NINJ2: variants seen among roughly 807,000 people sequenced by gnomAD.
The protein encoded by NINJ2 is ninjurin 2.
In NINJ2, 12 loss-of-function variants were observed where a neutral mutation model predicts 11.7. That is an observed-to-expected ratio of 1.02 (90% confidence interval 0.66 to 1.66). The LOEUF (loss-of-function observed/expected upper bound fraction) is 1.66, where lower values mean the gene tolerates loss of function less well. Ranked by LOEUF, NINJ2 falls within the 40% of genes most tolerant of loss-of-function variation. The pLI is 0.00. For missense variants in NINJ2, 187 were observed against 181.8 expected (o/e 1.03, Z -0.16); for synonymous variants, 93 against 76.8 (o/e 1.21, Z -1.10).
rs780181655 is a variant in NINJ2, at chr12:565,253, G to A, written c.411C>T (p.Ala137=). The A allele has an allele frequency of 1.9e-6, 3 of 1,613,952 alleles. No individual in the cohort carries two copies. The highest frequency in any genetic ancestry group is 2.5e-6 in the Non-Finnish European group (3 of 1,179,890). ...AHKTGFLAAR[A]SRNPL The stretch of plus-strand genomic sequence containing the variant: ...GCTGCATTCAGAGAGGATTCCTTGA[G>A]GCCCTGGCAGCCAGGAACCCTGTTT... The change falls in exon 3 of 4, where the codon GCC becomes GCT. Residue 137 remains alanine, a synonymous_variant. Transcript: ENST00000305108.
chr12:566,205 C>G (rs1947299952), intron 1 of NINJ2, 27 bp from the exon 2 acceptor site: 1 of 1,582,548 alleles, frequency 6.3e-7, no homozygotes, highest in Admixed American at 1.7e-5. Context: ...ACAGACTTAC[C>G]AAGGGGAGCT....
rs190747705 is a variant in NINJ2 at position 633,644 on chromosome 12, C to T, written c.33+29684G>A. Among the ~76,000 whole-genome samples the T allele has an allele frequency of 2.7e-4, 41 of 152,258 alleles. No individual in the cohort carries two copies. Among genetic ancestry groups the T allele is most frequent in the Non-Finnish European group, 5.6e-4 (38 of 68,016 alleles). On this transcript the variant is annotated intron_variant, in intron 1 of 3. Coordinates refer to ENST00000305108, the MANE Select transcript of NINJ2 (RefSeq NM_016533.6). The surrounding 1 kb of genome is among the most constrained non-coding windows in gnomAD (Gnocchi z 4.3). ...CAGCCTGGCCAACACGGCAAAATCC[C>T]GTCTCTACTAAAATACAAAAATTAG... is the stretch of plus-strand genomic sequence containing the variant.
intron 1 of NINJ2, chr12:586,135 G>GA (rs3841594): frequency 0.77 from 117,134 of 152,034 alleles, 45,312 homozygotes; most frequent in African/African-American, 0.8. Context: ...CAGGAAAAAA[G>GA]AAAAAAAGAC....
rs201288258 is a variant in NINJ2, at chr12:580,586, CAAA to C, written c.34-14411_34-14409del. Among the ~76,000 whole-genome samples the C allele has an allele frequency of 0.023, 3,348 of 144,018 alleles. 67 individuals are homozygous for C. The highest frequency in any genetic ancestry group is 0.055 in the African/African-American group (2,158 of 39,128). 94.5% of individuals were successfully genotyped at this position (144,018 alleles called of 152,430 possible). A position where few individuals can be genotyped will look rare whatever the true frequency, so the allele number is the denominator to read the frequency against. On this transcript the variant is annotated intron_variant, in intron 1 of 3. Coordinates refer to ENST00000305108, the MANE Select transcript of NINJ2 (RefSeq NM_016533.6). The surrounding 1 kb of genome is among the most constrained non-coding windows in gnomAD (Gnocchi z 4.7). ...TGCATGACAGAGAGAGACCCTGTCT[CAAA>C]AAAAAAAAAATATATATATATATAT...
intron 1 of NINJ2, among the ~76,000 whole-genome samples, chr12:596,390 C>G (rs560847272): frequency 6.6e-6 from 1 of 152,122 alleles, no homozygotes; most frequent in Non-Finnish European, 1.5e-5. Flanking sequence ...GATGTGTCAA[C>G]GCAGCTTCAT....
At chr12:623,104 T>C (rs953913739) in intron 1 of NINJ2, among the ~76,000 whole-genome samples, 4 of 152,146 alleles carry the variant, frequency 2.6e-5, no homozygotes, top group African/African-American at 9.7e-5. Context: ...AGGTGGAATA[T>C]TGCAAAGGTA....
chr12:608,201 A>G (rs2120930179), intron 1 of NINJ2, among the ~76,000 whole-genome samples: 1 of 152,222 alleles, frequency 6.6e-6, no homozygotes, highest in East Asian at 1.9e-4. Flanking sequence ...CCAAGAATTT[A>G]TATGCTAGAG....
At chr12:611,459 T>C (rs936012144) in intron 1 of NINJ2, among the ~76,000 whole-genome samples, 3 of 152,150 alleles carry the variant, frequency 2.0e-5, no homozygotes, top group Non-Finnish European at 4.4e-5. Flanking sequence ...TGCTTCAGCC[T>C]CCTGCATAGC....
intron 1 of NINJ2, chr12:644,259 G>T (rs1592116342): frequency 6.6e-6 from 1 of 152,496 alleles, no homozygotes; most frequent in African/African-American, 2.4e-5. Flanking sequence ...CTGAATCGCA[G>T]CGGATCTTGG....
At chr12:639,802 G>T (rs1040266516) in intron 1 of NINJ2, among the ~76,000 whole-genome samples, 3 of 152,170 alleles carry the variant, frequency 2.0e-5, no homozygotes, top group South Asian at 2.1e-4. Flanking sequence ...CTATTAAGCT[G>T]GCTAATGATG....
rs936969942 is a variant in NINJ2, at chr12:588,690, G to C, written c.34-22512C>G. On this transcript the variant is annotated intron_variant, in intron 1 of 3. Coordinates refer to ENST00000305108, the MANE Select transcript of NINJ2 (RefSeq NM_016533.6). The stretch of plus-strand genomic sequence containing the variant: ...ATCAGGAGACAAAGAGAAACGGGGG[G>C]AACACTGCTGCACAGAGCACAAAGG... Among the ~76,000 whole-genome samples the C allele has an allele frequency of 5.9e-5, 9 of 152,254 alleles. No homozygotes were observed. In the South Asian group the frequency reaches 6.2e-4, roughly 11 times the overall value.
chr12:609,289 A>T (rs74664299), intron 1 of NINJ2, among the ~76,000 whole-genome samples: 17 of 61,146 alleles, frequency 2.8e-4, no homozygotes, highest in African/African-American at 1.1e-3. Flanking sequence ...CTAGGTGCTG[A>T]ACGCACACGC....
At chr12:568,884 C>G (rs1031236208) in intron 1 of NINJ2, among the ~76,000 whole-genome samples, 3 of 124,402 alleles carry the variant, frequency 2.4e-5, no homozygotes, top group Admixed American at 7.4e-5. Flanking sequence ...ACACCCCCCC[C>G]CCCCCGCCCC....
chr12:575,982 C>T (rs1274366305), intron 1 of NINJ2, among the ~76,000 whole-genome samples: 1 of 152,170 alleles, frequency 6.6e-6, no homozygotes, highest in Non-Finnish European at 1.5e-5. Context: ...AGCCCAGACC[C>T]CTGAGGCCTT....
At position 641,831 on chromosome 12, in the gene NINJ2, C is replaced by A. The variant is rs566123850; in HGVS notation, c.33+21497G>T. Among the ~76,000 whole-genome samples, 36 of 134,390 alleles carry A rather than the reference C, an allele frequency of 2.7e-4. No homozygotes were observed. In the Middle Eastern group the frequency reaches 0.012, roughly 46 times the overall value. 88.2% of individuals were successfully genotyped at this position (134,390 alleles called of 152,430 possible). On this transcript the variant is annotated intron_variant, in intron 1 of 3. Coordinates refer to ENST00000305108, the MANE Select transcript of NINJ2 (RefSeq NM_016533.6). ...CTGCACTCCAGCCTGGGCGACAGAG[C>A]GAGACTCCGTCTCAAAAAAAAAAAA...
intron 1 of NINJ2, among the ~76,000 whole-genome samples, chr12:602,671 A>T (rs1947887526): frequency 6.6e-6 from 1 of 152,186 alleles, no homozygotes; most frequent in Admixed American, 6.5e-5. Flanking sequence ...CTTTTTGAGG[A>T]ACTGCCAGAC....
intron 1 of NINJ2, chr12:642,885 C>T (rs1455943556): frequency 6.6e-6 from 1 of 150,712 alleles, no homozygotes; most frequent in Non-Finnish European, 1.5e-5. Flanking sequence ...CCGCCCGCGT[C>T]AGCTGACCTG....
At chr12:632,335 G>A (rs781475924) in intron 1 of NINJ2, 1 of 152,178 alleles carries the variant, frequency 6.6e-6, no homozygotes, top group African/African-American at 2.4e-5. Context: ...AACCAAACAC[G>A]GTAGCCGTTT....
intron 1 of NINJ2, among the ~76,000 whole-genome samples, chr12:646,083 G>C (rs974552857): frequency 6.6e-6 from 1 of 152,182 alleles, no homozygotes; most frequent in African/African-American, 2.4e-5. Flanking sequence ...ACAGCCCGCT[G>C]CCAGCCACTA....
Sources: allele counts gnomAD v4.1 joint callset (sites outside exome capture counted in the v4.1 genomes callset), GRCh38; gene constraint gnomAD v4.1.1; non-coding constraint Gnocchi (gnomAD v3.1); transcripts MANE v1.5; gene names NCBI Gene and HGNC (gene_info 2026-07-23, HGNC 2026-07-21).